The following RAB2A variants were observed in gnomAD, a reference collection of about 807,000 sequenced individuals.
RAB2A encodes the protein RAB2A, member RAS oncogene family.
A neutral mutation model predicts 32.5 loss-of-function variants in RAB2A; 7 were observed. The ratio of observed to expected loss-of-function variants is 0.22; its 90% CI spans 0.12 to 0.40. The LOEUF is 0.40. Ranked by LOEUF, RAB2A falls within the 10% of genes least tolerant of loss-of-function variation. The pLI, the probability that RAB2A is intolerant of heterozygous loss-of-function variation, is 1.00. For synonymous variants in RAB2A, 79 were observed against 85.2 expected, an observed-to-expected ratio of 0.93 and a Z score of 0.40; for missense variants, 108 against 260.7, an observed-to-expected ratio of 0.41 and a Z score of 4.03.
chr8:60,538,953 C>T (rs1807597266), intron 1 of RAB2A, among the ~76,000 whole-genome samples: 1 of 152,202 alleles, frequency 6.6e-6, no homozygotes, highest in Non-Finnish European at 1.5e-5. Flanking sequence ...TAATTTAATG[C>T]AGTCATATTT....
At position 60,517,335 on chromosome 8, in the gene RAB2A, G is replaced by A. The variant is rs1807221902; in HGVS notation, c.46+82G>A. On this transcript the variant is annotated intron_variant, in intron 1 of 7. Transcript: ENST00000262646. ...GGGCAAACGGCGTCTGGCGGTGGCG[G>A]GGACGCGGACTCCACCCGGCGCCTC... 7.8e-6 allele frequency: 10 copies of A among 1,286,668 alleles called. No homozygotes were observed. In the South Asian group the frequency reaches 1.0e-4, roughly 13 times the overall value. 79.7% of individuals were successfully genotyped at this position (1,286,668 alleles called of 1,614,324 possible).
At chr8:60,607,478 T>C (rs1038910662) in intron 6 of RAB2A, among the ~76,000 whole-genome samples, 14 of 151,132 alleles carry the variant, frequency 9.3e-5, no homozygotes, top group South Asian at 8.4e-4. Flanking sequence ...GTCTCTCTTA[T>C]GTTGCCGAGG....
intron 1 of RAB2A, chr8:60,553,064 G>A (rs1173951976): frequency 1.3e-5 from 2 of 152,158 alleles, no homozygotes; most frequent in Non-Finnish European, 2.9e-5. Context: ...GTGAGATTCA[G>A]TATCTGGGAT....
At chr8:60,544,082 G>A (rs868616035) in intron 1 of RAB2A, among the ~76,000 whole-genome samples, 2 of 142,206 alleles carry the variant, frequency 1.4e-5, no homozygotes, top group Non-Finnish European at 3.0e-5. Context: ...AAAAAAAAAA[G>A]TGATAAATTG....
At chr8:60,595,714 G>A (rs1044370806) in intron 6 of RAB2A, among the ~76,000 whole-genome samples, 1 of 152,164 alleles carries the variant, frequency 6.6e-6, no homozygotes, top group Non-Finnish European at 1.5e-5. Context: ...TACCAGATAT[G>A]TGAAGCAAAA....
chr8:60,582,467 T>A (rs1379931883), intron 3 of RAB2A, among the ~76,000 whole-genome samples: 3 of 152,212 alleles, frequency 2.0e-5, no homozygotes, highest in Admixed American at 2.0e-4. Flanking sequence ...GAGTACTGAT[T>A]ATTTTACGCA....
At position 60,573,820 on chromosome 8, in the gene RAB2A, T is replaced by C. The variant is rs142506446; in HGVS notation, c.186+1707T>C. 5.9e-5 allele frequency among the ~76,000 whole-genome samples: 9 copies of C among 152,348 alleles called. No individual in the cohort carries two copies. In the East Asian group the frequency reaches 1.7e-3, roughly 29 times the overall value. On this transcript the variant is annotated intron_variant, in intron 3 of 7. Transcript: ENST00000262646. ...GTTTTGGAGACAGGGTCTCACTCTG[T>C]CACCCAGGCTGTAGTGCAGTGGCAC...
chr8:60,571,590 T>A (rs1808198265), intron 2 of RAB2A, among the ~76,000 whole-genome samples: 1 of 152,158 alleles, frequency 6.6e-6, no homozygotes, highest in Non-Finnish European at 1.5e-5. Context: ...TAGTGGCAGA[T>A]TTGGAGATTT....
Position 60,614,697 on chromosome 8 carries a change from CTGAAAT to C in RAB2A, c.475-3881_475-3876del, listed in dbSNP as rs1804420010. 2.0e-5 allele frequency among the ~76,000 whole-genome samples: 3 copies of C among 152,282 alleles called. No homozygotes were observed. The South Asian group carries it at 6.2e-4, about 32-fold the overall frequency. On this transcript the variant is annotated intron_variant, in intron 6 of 7. Coordinates refer to ENST00000262646, the MANE Select transcript of RAB2A (RefSeq NM_002865.3). ...TGTTTCAACTGTGCAATCGAAGTCC[CTGAAAT>C]TTTGCCTTAAGTTTAGGTATTATCA...
chr8:60,600,066 T>TAAAAAAAA (rs36105307), intron 6 of RAB2A, among the ~76,000 whole-genome samples: 2 of 139,876 alleles, frequency 1.4e-5, no homozygotes, highest in African/African-American at 2.6e-5. Flanking sequence ...TACTCGGTAG[T>TAAAAAAAA]AAAAAAAAAA....
intron 1 of RAB2A, among the ~76,000 whole-genome samples, chr8:60,526,655 T>A (rs1188859683): frequency 6.6e-6 from 1 of 152,106 alleles, no homozygotes; most frequent in Admixed American, 6.6e-5. Flanking sequence ...CCTGCATTAG[T>A]CCATTCTCAC....
chr8:60,608,466 G>A (rs908769423), intron 6 of RAB2A, among the ~76,000 whole-genome samples: 6 of 137,116 alleles, frequency 4.4e-5, no homozygotes, highest in African/African-American at 6.1e-5. Flanking sequence ...CCCCGCCCCC[G>A]GTCCTGCTCC....
At chr8:60,520,952 G>C (rs1009936233) in intron 1 of RAB2A, among the ~76,000 whole-genome samples, 1 of 152,116 alleles carries the variant, frequency 6.6e-6, no homozygotes, top group Non-Finnish European at 1.5e-5. Flanking sequence ...AAGTAGCTGG[G>C]AACACAGGCA....
At chr8:60,573,078 C>A (rs201325286) in intron 3 of RAB2A, among the ~76,000 whole-genome samples, 1 of 99,710 alleles carries the variant, frequency 1.0e-5, no homozygotes, top group African/African-American at 8.4e-5. Context: ...CAGCCTCACA[C>A]AAATAGTTGG....
chr8:60,517,148 CGGA>C lies in RAB2A; in HGVS notation c.-52_-50del. ...GCTGAGCGGCACCGGGGTTGGGGCG[CGGA>C]GGAGGAGCAGCAGCGGGAGGAGGAG... On this transcript the variant is annotated 5_prime_UTR_variant, in exon 1 of 8. Transcript: ENST00000262646. 1 of 1,453,394 alleles carries C rather than the reference CGGA, an allele frequency of 6.9e-7. No individual in the cohort carries two copies. Among genetic ancestry groups the C allele is most frequent in the Non-Finnish European group, 9.1e-7 (1 of 1,096,740 alleles). The allele number at this position is 1,453,394 out of a possible 1,614,324, so 90.0% of individuals were successfully genotyped here. A position where few individuals can be genotyped will look rare whatever the true frequency, so the allele number is the denominator to read the frequency against.
intron 6 of RAB2A, among the ~76,000 whole-genome samples, chr8:60,597,600 AAAG>A (rs926533815): frequency 1.3e-5 from 2 of 152,202 alleles, no homozygotes; most frequent in African/African-American, 2.4e-5. Context: ...AAACAAAAGA[AAAG>A]AAGTCTCAAA....
intron 2 of RAB2A, among the ~76,000 whole-genome samples, chr8:60,570,367 C>G (rs1372337798): frequency 2.0e-5 from 3 of 152,118 alleles, no homozygotes; most frequent in Non-Finnish European, 4.4e-5. Context: ...TCTGATACCT[C>G]GCTGACATGT....
Position 60,623,166 on chromosome 8 carries a change from T to C in RAB2A, c.*2397T>C, listed in dbSNP as rs1289927608. ...ATTCGTCTTGCAAATTTAAGACAACTGAATGAAAAGCCAATTTTTTGAAAG... is the reference window on the plus strand; with the variant it reads ...ATTCGTCTTGCAAATTTAAGACAACCGAATGAAAAGCCAATTTTTTGAAAG... On this transcript the variant is annotated 3_prime_UTR_variant, in exon 8 of 8. Transcript: ENST00000262646. 2 of 152,210 alleles carry C rather than the reference T, an allele frequency of 1.3e-5. No homozygotes were observed. Among genetic ancestry groups the C allele is most frequent in the African/African-American group, 4.8e-5 (2 of 41,458 alleles). 9.4% of individuals were successfully genotyped at this position (152,210 alleles called of 1,614,324 possible). A position where few individuals can be genotyped will look rare whatever the true frequency, so the allele number is the denominator to read the frequency against.
intron 7 of RAB2A, chr8:60,618,999 G>A (rs1439070179): frequency 6.6e-6 from 1 of 152,258 alleles, no homozygotes; most frequent in African/African-American, 2.4e-5. Flanking sequence ...TCTGCTTTGG[G>A]AATAATGTTC....
Sources: gnomAD v4.1 joint callset for allele counts (sites outside exome capture counted in the v4.1 genomes callset) on GRCh38, gnomAD v4.1.1 for gene constraint, MANE v1.5 for transcripts, NCBI Gene and HGNC (gene_info 2026-07-23, HGNC 2026-07-21) for gene names.